ANK2: variants seen among roughly 807,000 people sequenced by gnomAD.
The protein encoded by ANK2 is ankyrin 2.
ANK2 carries 83 observed loss-of-function variants against 360.5 expected under a neutral mutation model. That is an observed-to-expected ratio of 0.23 (90% CI 0.19 to 0.28). The LOEUF is 0.28. ANK2 is among the 10% of genes least tolerant of loss of function. The probability of loss-of-function intolerance (pLI) is 1.00; values close to 1 mark genes in which losing one functional copy is unlikely to be tolerated. For missense variants in ANK2, 4,201 were observed against 4,795.7 expected, an observed-to-expected ratio of 0.88 and a Z score of 3.66; for synonymous variants, 1,740 against 1,759.5, an observed-to-expected ratio of 0.99 and a Z score of 0.28.
chr4:112,804,120 A>G, the ANK2 span, among the ~76,000 whole-genome samples: 3 of 151,204 alleles, frequency 2.0e-5, no homozygotes, highest in Admixed American at 2.0e-4. Flanking sequence ...CTGGGTTCAC[A>G]CCATTCTCCT....
At chr4:113,215,821 C>T (rs891750443) in intron 4 of ANK2, among the ~76,000 whole-genome samples, 1 of 152,032 alleles carries the variant, frequency 6.6e-6, no homozygotes, top group African/African-American at 2.4e-5. Context: ...ACAAAAAAAC[C>T]CACTTTTTTT....
At chr4:112,724,308 G>A in the ANK2 span, among the ~76,000 whole-genome samples, 1 of 151,774 alleles carries the variant, frequency 6.6e-6, no homozygotes, top group Non-Finnish European at 1.5e-5. Context: ...CAGGTGATCC[G>A]CCGCCCTCGG....
In ANK2 at chr4:112,977,919, G is replaced by A. The variant is rs555213149; in HGVS notation, c.21+73405G>A. On this transcript the variant is annotated intron_variant, in intron 2 of 30. Coordinates refer to the ANK2 transcript ENST00000503271. ...CTGGAATGAATGAATTTTTAAATAA[G>A]ATTCAGGCAAAAAATAATTATTAGT... 6.6e-5 allele frequency among the ~76,000 whole-genome samples: 10 copies of A among 152,266 alleles called. No individual in the cohort carries two copies. In the South Asian group the frequency reaches 1.5e-3, roughly 22 times the overall value.
chr4:112,755,627 C>A, the ANK2 span, among the ~76,000 whole-genome samples: 1 of 152,092 alleles, frequency 6.6e-6, no homozygotes, highest in African/African-American at 2.4e-5. Flanking sequence ...CAGGGTGGGG[C>A]AGAAACAAAT....
intron 41 of ANK2, among the ~76,000 whole-genome samples, 198 bp downstream of exon 41, chr4:113,365,380 T>G (rs184209003): frequency 3.9e-5 from 6 of 152,268 alleles, no homozygotes; most frequent in Admixed American, 6.5e-5. Context: ...CACCTCCGCT[T>G]CATGCTCATT....
At chr4:113,108,395 T>C (rs903150350) in intron 1 of ANK2, among the ~76,000 whole-genome samples, 2 of 152,202 alleles carry the variant, frequency 1.3e-5, no homozygotes, top group Non-Finnish European at 2.9e-5. Flanking sequence ...TTTTTGGAAC[T>C]CATTTTTATT....
chr4:112,742,946 G>A, the ANK2 span, among the ~76,000 whole-genome samples: 1 of 152,042 alleles, frequency 6.6e-6, no homozygotes, highest in Non-Finnish European at 1.5e-5. Flanking sequence ...GGCTGGTCTC[G>A]ACTGGCCTCT....
At chr4:113,108,260 C>T (rs981786973) in intron 1 of ANK2, among the ~76,000 whole-genome samples, 2 of 152,086 alleles carry the variant, frequency 1.3e-5, no homozygotes, top group Admixed American at 6.5e-5. Flanking sequence ...TAAATATTTT[C>T]GAAGCTTCCT....
In ANK2 at chr4:113,264,979, T is replaced by C; in HGVS notation, c.1469T>C (p.Val490Ala). 2 of 1,563,152 alleles carry C rather than the reference T, an allele frequency of 1.3e-6. No homozygotes were observed. The highest frequency in any genetic ancestry group is 4.7e-5 in the East Asian group (2 of 42,430). Residue 490 changes from valine to alanine, a missense_variant, in exon 14 of 46, where the codon GTT (valine) becomes GCT (alanine). By Grantham distance (64) the Val-to-Ala change is moderately conservative (BLOSUM62 0). Coordinates refer to ENST00000357077, the MANE Select transcript of ANK2 (RefSeq NM_001148.6). ...VRCLLRNGAL[V>A]DARAREEQTP... Reference sequence around the variant, plus strand: ...TGCCTCCTGAGAAATGGTGCCCTTGTTGATGCCAGAGCCAGGGTAGGTACT... The same window carrying C: ...TGCCTCCTGAGAAATGGTGCCCTTGCTGATGCCAGAGCCAGGGTAGGTACT...
chr4:113,087,799 T>G (rs2085600247), intron 1 of ANK2, among the ~76,000 whole-genome samples: 1 of 152,198 alleles, frequency 6.6e-6, no homozygotes, highest in African/African-American at 2.4e-5. Flanking sequence ...AAGGGACTAT[T>G]TCTTGCTCAT....
intron 39 of ANK2, 56 bp from the exon 40 acceptor site, chr4:113,363,282 G>A (rs2154047015): frequency 3.2e-6 from 5 of 1,576,608 alleles, no homozygotes; most frequent in East Asian, 4.5e-5. Flanking sequence ...AAAGCAAAAT[G>A]TAGAGACTGA....
At chr4:112,741,194 T>C in the ANK2 span, among the ~76,000 whole-genome samples, 1 of 152,066 alleles carries the variant, frequency 6.6e-6, no homozygotes, top group African/African-American at 2.4e-5. Context: ...GCAAAAACTG[T>C]TTATCATGTG....
At chr4:113,237,730 T>G in intron 7 of ANK2, 108 bp downstream of exon 7, 1 of 1,060,808 alleles carries the variant, frequency 9.4e-7, no homozygotes, top group South Asian at 1.3e-5. Context: ...GTTTGATTAA[T>G]GGGAAATTAA....
chr4:113,330,212 C>CA (rs773541985), intron 26 of ANK2, 34 bp from the exon 27 acceptor site: 12 of 1,588,242 alleles, frequency 7.6e-6, no homozygotes, highest in Non-Finnish European at 1.0e-5. Flanking sequence ...CCCAATATTT[C>CA]AAAACATATC....
At chr4:113,048,257 T>A (rs2065262865), upstream of ANK2, among the ~76,000 whole-genome samples, 1 of 83,876 alleles carries the variant, frequency 1.2e-5, no homozygotes, top group Non-Finnish European at 2.1e-5. Flanking sequence ...TGTATATATA[T>A]ATATATATAT....
the ANK2 span, among the ~76,000 whole-genome samples, chr4:112,729,943 A>G: frequency 6.6e-6 from 1 of 152,152 alleles, no homozygotes; most frequent in African/African-American, 2.4e-5. Flanking sequence ...TGAAATCTAA[A>G]AAGTCAAAAA....
At chr4:112,833,392 AT>A (rs1347182118) in intron 1 of ANK2, among the ~76,000 whole-genome samples, 1 of 152,258 alleles carries the variant, frequency 6.6e-6, no homozygotes, top group African/African-American at 2.4e-5. Context: ...ATAGGTCAAA[AT>A]TAGAGTAGTT....
intron 1 of ANK2, among the ~76,000 whole-genome samples, chr4:113,115,197 T>A (rs2094641666): frequency 1.3e-5 from 2 of 152,096 alleles, no homozygotes; most frequent in Admixed American, 1.3e-4. Context: ...GATAGAAGAA[T>A]CCTCCCCACA....
chr4:112,717,128 T>C, the ANK2 span, among the ~76,000 whole-genome samples: 16 of 152,366 alleles, frequency 1.1e-4, no homozygotes, highest in East Asian at 1.3e-3. Flanking sequence ...TCCTTTATAA[T>C]GAATGGTATC....
Sources: allele counts gnomAD v4.1 joint callset (sites outside exome capture counted in the v4.1 genomes callset), GRCh38; gene constraint gnomAD v4.1.1; transcripts MANE v1.5; gene names NCBI Gene and HGNC (gene_info 2026-07-23, HGNC 2026-07-21).